The following CTSB variants were observed in gnomAD, a reference collection of about 807,000 sequenced individuals.
CTSB encodes APP secretase.
CTSB carries 57 observed loss-of-function variants against 44.3 expected under a neutral mutation model. The observed-to-expected ratio is 1.29, with a 90% CI of 1.04 to 1.60. The LOEUF is 1.60. Among genes scored for constraint, CTSB ranks in the 40% most tolerant of loss-of-function variants. The pLI, the probability that CTSB is intolerant of heterozygous loss-of-function variation, is 0.00. For missense variants in CTSB, 768 were observed against 443.0 expected, an observed-to-expected ratio of 1.73 and a Z score of -6.59; for synonymous variants, 320 against 168.0, an observed-to-expected ratio of 1.91 and a Z score of -7.00.
In CTSB at chr8:11,845,796, AG is replaced by A; in HGVS notation, c.794-8del. ...GTGACGTGTTGGTACACTCCTGAAA[AG>A]GGAAGAACTGGCTGAGACCGAGACC... is the stretch of plus-strand genomic sequence containing the variant. On this transcript the variant is annotated splice_polypyrimidine_tract_variant and splice_region_variant and intron_variant, in intron 8 of 9. Transcript: ENST00000353047. 3 of 1,609,008 alleles carry A rather than the reference AG, an allele frequency of 1.9e-6. No homozygotes were observed. Among genetic ancestry groups the A allele is most frequent in the Non-Finnish European group, 2.5e-6 (3 of 1,176,490 alleles).
chr8:11,853,181 C>T, intron 2 of CTSB, 148 bp downstream of exon 2: 2 of 1,067,256 alleles, frequency 1.9e-6, no homozygotes, highest in South Asian at 1.5e-5. Context: ...TGGTCCAGAG[C>T]CGACATGACT....
chr8:11,843,646 C>T lies in CTSB; in HGVS notation c.*1479G>A, dbSNP rs1193355633. Reference sequence around the variant, plus strand: ...GGGCATCCAGGGGGATGTGGTTCCCCACGGGGTAGCATCTTGGTTATGTGA... The same window carrying T: ...GGGCATCCAGGGGGATGTGGTTCCCTACGGGGTAGCATCTTGGTTATGTGA... On this transcript the variant is annotated 3_prime_UTR_variant, in exon 10 of 10. Transcript: ENST00000353047. The T allele has an allele frequency of 2.0e-5, 3 of 152,216 alleles. No individual in the cohort carries two copies. Among genetic ancestry groups the T allele is most frequent in the Non-Finnish European group, 2.9e-5 (2 of 68,044 alleles). 9.4% of individuals were successfully genotyped at this position (152,216 alleles called of 1,614,324 possible). A position where few individuals can be genotyped will look rare whatever the true frequency, so the allele number is the denominator to read the frequency against.
rs933311554 is a variant in CTSB at position 11,844,208 on chromosome 8, G to C, written c.*917C>G. 3 of 152,194 alleles carry C rather than the reference G, an allele frequency of 2.0e-5. No individual in the cohort carries two copies. Among genetic ancestry groups the C allele is most frequent in the Non-Finnish European group, 4.4e-5 (3 of 68,036 alleles). The allele number at this position is 152,194 out of a possible 1,614,324, so 9.4% of individuals were successfully genotyped here. On this transcript the variant is annotated 3_prime_UTR_variant, in exon 10 of 10. Coordinates refer to ENST00000353047, the MANE Select transcript of CTSB (RefSeq NM_001908.5). ...GAGAAGTTAAGATGAAGTCCCAAGA[G>C]TCGCAAGAACATGCAGTTCCAGGAC...
intron 9 of CTSB, 138 bp downstream of exon 9, chr8:11,845,523 G>A (rs919005546): frequency 5.7e-6 from 6 of 1,049,634 alleles, no homozygotes; most frequent in South Asian, 1.7e-5. Flanking sequence ...TGACTGCCTG[G>A]CACTTAGGAG....
chr8:11,865,063 G>C (rs1816930724), intron 1 of CTSB, among the ~76,000 whole-genome samples: 1 of 152,164 alleles, frequency 6.6e-6, no homozygotes. Flanking sequence ...GGCAGCCTGG[G>C]ACCAGACGTA....
chr8:11,855,871 A>G (rs1815419894), intron 1 of CTSB, among the ~76,000 whole-genome samples: 1 of 151,884 alleles, frequency 6.6e-6, no homozygotes, highest in African/African-American at 2.4e-5. Context: ...TACAAAAATT[A>G]CCCAGGTGTG....
intron 8 of CTSB, chr8:11,846,453 G>T (rs1473486098): frequency 6.6e-6 from 1 of 152,458 alleles, no homozygotes. Flanking sequence ...AATATTAATG[G>T]GATAGATGCA....
intron 9 of CTSB, 63 bp downstream of exon 9, chr8:11,845,598 G>A (rs981906778): frequency 4.1e-5 from 65 of 1,575,372 alleles, no homozygotes; most frequent in East Asian, 1.1e-4. Context: ...AGAGAAAGCC[G>A]AGATGGCCAC....
chr8:11,849,238 C>T (rs1452436763), intron 4 of CTSB, 74 bp from the exon 5 acceptor site: 2 of 1,180,222 alleles, frequency 1.7e-6, no homozygotes, highest in African/African-American at 1.5e-5. Flanking sequence ...CCTCAAAGGG[C>T]CACAGGGGCA....
chr8:11,847,600 C>T (rs1239971946), intron 7 of CTSB, 79 bp downstream of exon 7: 4 of 1,466,696 alleles, frequency 2.7e-6, no homozygotes, highest in African/African-American at 1.4e-5. Flanking sequence ...CAGCCCTGAC[C>T]TCTTCGCTGC....
chr8:11,859,588 G>A (rs1023601969), intron 1 of CTSB, among the ~76,000 whole-genome samples: 4 of 151,422 alleles, frequency 2.6e-5, no homozygotes, highest in African/African-American at 9.7e-5. Context: ...TAAACAAGGT[G>A]AAACTCCTGT....
chr8:11,848,191 C>A (rs1231147927), intron 5 of CTSB, 39 bp from the exon 6 acceptor site: 1 of 1,553,300 alleles, frequency 6.4e-7, no homozygotes, highest in East Asian at 2.2e-5. Context: ...CTGAGAGAAG[C>A]ACCACCAGCT....
intron 3 of CTSB, among the ~76,000 whole-genome samples, chr8:11,852,298 G>C (rs903772276): frequency 6.6e-6 from 1 of 152,168 alleles, no homozygotes; most frequent in African/African-American, 2.4e-5. Flanking sequence ...TTGAACCCGG[G>C]AGACAGAGTT....
intron 1 of CTSB, among the ~76,000 whole-genome samples, chr8:11,854,204 C>T (rs1304953163): frequency 1.3e-5 from 2 of 152,178 alleles, no homozygotes; most frequent in African/African-American, 4.8e-5. Flanking sequence ...TACATGTCTC[C>T]TGGGCGCCTG....
chr8:11,846,043 A>AAT, intron 8 of CTSB: 1 of 333,542 alleles, frequency 3.0e-6, no homozygotes, highest in Non-Finnish European at 5.4e-6. Flanking sequence ...TGGCTTTAAA[A>AAT]ATAGAATTTC....
Position 11,849,033 on chromosome 8 carries a change from C to G in CTSB, c.446+13G>C. The G allele has an allele frequency of 6.2e-7, 1 of 1,602,134 alleles. No individual in the cohort carries two copies. The highest frequency in any genetic ancestry group is 1.3e-5 in the African/African-American group (1 of 74,812). On this transcript the variant is annotated intron_variant, in intron 5 of 9. Coordinates refer to ENST00000353047, the MANE Select transcript of CTSB (RefSeq NM_001908.5). ...CAGCACTAAACCCGCTGTGGAAGCA[C>G]AGCCTGACTCACCCGTCCCCACACA...
chr8:11,853,457 T>G lies in CTSB; in HGVS notation c.-3A>C, dbSNP rs1043780423. On this transcript the variant is annotated 5_prime_UTR_variant, in exon 2 of 10. Coordinates refer to ENST00000353047, the MANE Select transcript of CTSB (RefSeq NM_001908.5). ...AGGGAGGCCCAGAGCTGCCACATGT[T>G]GGAAGCCGGATCCTAGATCCACCTG... The G allele has an allele frequency of 3.7e-6, 6 of 1,610,878 alleles. No individual in the cohort carries two copies. The African/African-American group carries it at 8.1e-5, about 22-fold the overall frequency.
Position 11,853,582 on chromosome 8 carries a change from G to A in CTSB, c.-25-103C>T, listed in dbSNP as rs538358037. 5.9e-5 allele frequency: 70 copies of A among 1,185,176 alleles called. 1 individual carries two copies. The highest frequency in any genetic ancestry group is 3.1e-4 in the Admixed American group (12 of 38,430). 73.4% of individuals were successfully genotyped at this position (1,185,176 alleles called of 1,614,324 possible). ...GGCATCAGTGGGGACCCCCATGCTC[G>A]TCCTGGCCCAGGCGGAGAACTCTTA... On this transcript the variant is annotated intron_variant, in intron 1 of 9. Transcript: ENST00000353047.
At chr8:11,850,224 G>C (rs1402408877) in intron 4 of CTSB, among the ~76,000 whole-genome samples, 1 of 151,994 alleles carries the variant, frequency 6.6e-6, no homozygotes, top group Admixed American at 6.6e-5. Flanking sequence ...TTTGAGACCA[G>C]GCTGTCCAAC....
Sources: gnomAD v4.1 joint callset for allele counts (sites outside exome capture counted in the v4.1 genomes callset) on GRCh38, gnomAD v4.1.1 for gene constraint, MANE v1.5 for transcripts, NCBI Gene and HGNC (gene_info 2026-07-23, HGNC 2026-07-21) for gene names.